AOPEP: variants seen among roughly 807,000 people sequenced by gnomAD.
The protein encoded by AOPEP is aminopeptidase O (putative), also known as aminopeptidase O.
In AOPEP, 77 loss-of-function variants were observed where a neutral mutation model predicts 98.1. The ratio of observed to expected loss-of-function variants is 0.78; its 90% CI spans 0.65 to 0.95. The LOEUF is 0.95. Ranked by LOEUF, AOPEP falls within the 40% of genes least tolerant of loss-of-function variation. AOPEP has a pLI of 0.00. For synonymous variants in AOPEP, 346 were observed against 365.3 expected, an observed-to-expected ratio of 0.95 and a Z score of 0.60; for missense variants, 1,024 against 1,024.7, an observed-to-expected ratio of 1.00 and a Z score of 0.01.
In AOPEP at chr9:94,967,176, AC is replaced by A. The variant is rs150738169; in HGVS notation, c.1873-581del. Among the ~76,000 whole-genome samples the A allele has an allele frequency of 7.4e-3, 1,121 of 152,232 alleles. 14 individuals carry two copies. Among genetic ancestry groups the A allele is most frequent in the African/African-American group, 0.026 (1,082 of 41,542 alleles). On this transcript the variant is annotated intron_variant, in intron 9 of 16. Coordinates refer to ENST00000375315, the MANE Select transcript of AOPEP (RefSeq NM_001193329.3). The stretch of plus-strand genomic sequence containing the variant: ...TAAGCCATGCCTTTAGGTTTAAAAA[AC>A]TTATCATCTAAACATCTCAAATGTC...
the AOPEP span, among the ~76,000 whole-genome samples, chr9:95,138,477 T>G: frequency 6.6e-6 from 1 of 152,206 alleles, no homozygotes; most frequent in Non-Finnish European, 1.5e-5. Context: ...GCTCGTAGCT[T>G]CCATCATGGA....
intron 14 of AOPEP, among the ~76,000 whole-genome samples, chr9:95,070,581 G>A (rs574845436): frequency 6.6e-5 from 10 of 152,396 alleles, no homozygotes; most frequent in East Asian, 1.9e-4. Context: ...CAAGTGGTAC[G>A]TTTACTCAGA....
the AOPEP span, chr9:95,125,284 T>C: frequency 9.8e-6 from 9 of 917,432 alleles, no homozygotes; most frequent in Admixed American, 1.7e-4. Flanking sequence ...ACTTTTTTTG[T>C]GCCATAAGCT....
At position 94,763,703 on chromosome 9, in the gene AOPEP, A is replaced by C. The variant is rs987050965; in HGVS notation, c.797+3123A>C. On this transcript the variant is annotated intron_variant, in intron 2 of 16. Transcript: ENST00000375315. ...ATGTCAGAAAGTAAGGAAGCCCTCA[A>C]ACAGCAGGAACAACAACCCACAGCG... Among the ~76,000 whole-genome samples, 3 of 152,222 alleles carry C rather than the reference A, an allele frequency of 2.0e-5. No homozygotes were observed. The South Asian group carries it at 6.2e-4, about 32-fold the overall frequency.
At chr9:95,115,418 A>G in the AOPEP span, among the ~76,000 whole-genome samples, 1 of 152,224 alleles carries the variant, frequency 6.6e-6, no homozygotes, top group African/African-American at 2.4e-5. Flanking sequence ...AAAGCAGCCA[A>G]TAAGGAATTA....
chr9:94,874,259 A>G (rs916936724), intron 5 of AOPEP, among the ~76,000 whole-genome samples: 16 of 152,196 alleles, frequency 1.1e-4, no homozygotes, highest in Admixed American at 9.8e-4. Flanking sequence ...TTTTTAATCC[A>G]GGAAAAGTAC....
chr9:94,880,452 G>C (rs1440832854), intron 5 of AOPEP, among the ~76,000 whole-genome samples: 2 of 145,976 alleles, frequency 1.4e-5, no homozygotes, highest in Non-Finnish European at 3.0e-5. Context: ...CTGCAGCGTC[G>C]ACCTCCCAGG....
At chr9:95,016,183 G>T in intron 13 of AOPEP, among the ~76,000 whole-genome samples, 1 of 143,990 alleles carries the variant, frequency 6.9e-6, no homozygotes, top group Admixed American at 6.9e-5. Flanking sequence ...AAAATAAAAT[G>T]TTTCAGAATT....
At chr9:94,979,263 TG>T in intron 10 of AOPEP, 103 bp from the exon 11 acceptor site, 1 of 733,538 alleles carries the variant, frequency 1.4e-6, no homozygotes, top group Non-Finnish European at 2.4e-6. Flanking sequence ...CGGGCACTTC[TG>T]GAAGATCGAT....
intron 10 of AOPEP, among the ~76,000 whole-genome samples, chr9:94,977,975 A>T (rs960560490): frequency 1.3e-5 from 2 of 152,196 alleles, no homozygotes; most frequent in Non-Finnish European, 2.9e-5. Flanking sequence ...GCCCTTGGCT[A>T]GGGAGGACGA....
At chr9:94,790,781 A>G (rs894768598) in intron 3 of AOPEP, among the ~76,000 whole-genome samples, 2 of 152,018 alleles carry the variant, frequency 1.3e-5, no homozygotes, top group African/African-American at 4.8e-5. Context: ...AAAGCACTTT[A>G]AAAAATGTCA....
At chr9:94,876,650 C>G (rs933045327) in intron 5 of AOPEP, among the ~76,000 whole-genome samples, 1 of 152,166 alleles carries the variant, frequency 6.6e-6, no homozygotes, top group African/African-American at 2.4e-5. Context: ...CAGGCGTGAA[C>G]CACTGCACCT....
intron 3 of AOPEP, among the ~76,000 whole-genome samples, chr9:94,790,799 TCTGCTGGC>T: frequency 6.6e-6 from 1 of 152,080 alleles, no homozygotes; most frequent in South Asian, 2.1e-4. Flanking sequence ...TCATGTTAGG[TCTGCTGGC>T]CAGTAGGGGC....
chr9:95,011,452 T>G (rs1023337168), intron 13 of AOPEP, among the ~76,000 whole-genome samples: 1 of 152,094 alleles, frequency 6.6e-6, no homozygotes, highest in Admixed American at 6.5e-5. Flanking sequence ...TCCGCCCACC[T>G]CGGCCTCCCA....
At chr9:95,043,901 A>C (rs1040187120) in intron 13 of AOPEP, among the ~76,000 whole-genome samples, 3 of 152,154 alleles carry the variant, frequency 2.0e-5, no homozygotes, top group African/African-American at 7.2e-5. Flanking sequence ...CACATGATCC[A>C]CCAGCCTCAG....
At chr9:94,956,728 A>C (rs182045473) in intron 9 of AOPEP, among the ~76,000 whole-genome samples, 11 of 152,360 alleles carry the variant, frequency 7.2e-5, no homozygotes, top group African/African-American at 2.6e-4. Context: ...GCTCTGAAAA[A>C]TGACACTCAT....
chr9:94,860,283 G>T (rs1159654493), intron 5 of AOPEP, among the ~76,000 whole-genome samples: 1 of 152,180 alleles, frequency 6.6e-6, no homozygotes. Flanking sequence ...TGGGAAGATT[G>T]GCGTGAAATG....
At position 94,834,521 on chromosome 9, in the gene AOPEP, G is replaced by C. The variant is rs142510663; in HGVS notation, c.1364+33519G>C. Among the ~76,000 whole-genome samples, 516 of 152,310 alleles carry C rather than the reference G, an allele frequency of 3.4e-3. 3 individuals are homozygous for C. The highest frequency in any genetic ancestry group is 4.5e-3 in the Non-Finnish European group (308 of 68,016). The stretch of plus-strand genomic sequence containing the variant: ...AGAGTCTTTGTTTAAAAAAGAGCCT[G>C]GTGGCTCATGCCTGTAATCCTGGCA... On this transcript the variant is annotated intron_variant, in intron 5 of 16. Transcript: ENST00000375315.
rs369333795 is a variant in AOPEP at position 94,906,224 on chromosome 9, C to T, written c.1365-17762C>T. On this transcript the variant is annotated intron_variant, in intron 5 of 16. Coordinates refer to ENST00000375315, the MANE Select transcript of AOPEP (RefSeq NM_001193329.3). ...CTGTAATTCCAGCAGTTTGGGAGGCCGAGGTGGATGGATCACTTGAGCCCA... is the reference window on the plus strand; with the variant it reads ...CTGTAATTCCAGCAGTTTGGGAGGCTGAGGTGGATGGATCACTTGAGCCCA... Among the ~76,000 whole-genome samples the T allele has an allele frequency of 1.1e-4, 16 of 149,662 alleles. No individual in the cohort carries two copies. In the East Asian group the frequency reaches 1.8e-3, roughly 17 times the overall value.
Sources: gnomAD v4.1 joint callset for allele counts (sites outside exome capture counted in the v4.1 genomes callset) on GRCh38, gnomAD v4.1.1 for gene constraint, MANE v1.5 for transcripts, NCBI Gene and HGNC (gene_info 2026-07-23, HGNC 2026-07-21) for gene names.